Variants in SMAD3 observed in about 807,000 individuals in gnomAD.
SMAD3 encodes SMAD family member 3, also known as MAD homolog 3.
Under a neutral mutation model 51.8 loss-of-function variants are expected in SMAD3, and 12 were observed. The ratio of observed to expected loss-of-function variants is 0.23; its 90% CI spans 0.15 to 0.38. The LOEUF is 0.38. Among genes scored for constraint, SMAD3 ranks in the 10% least tolerant of loss-of-function variants. The pLI, the probability that SMAD3 is intolerant of heterozygous loss-of-function variation, is 1.00. For synonymous variants in SMAD3, 238 were observed against 227.7 expected (o/e 1.05, Z -0.41); for missense variants, 294 against 565.6 (o/e 0.52, Z 4.87).
At chr15:67,088,662 G>A (rs1365731243) in intron 1 of SMAD3, among the ~76,000 whole-genome samples, 1 of 152,180 alleles carries the variant, frequency 6.6e-6, no homozygotes. Flanking sequence ...GGGTGCGGTG[G>A]CTCACGCCTG....
At chr15:67,176,202 G>C (rs553096330) in intron 5 of SMAD3, among the ~76,000 whole-genome samples, 1 of 152,300 alleles carries the variant, frequency 6.6e-6, no homozygotes, top group South Asian at 2.1e-4. Flanking sequence ...CAGGTACACA[G>C]TTTCTGGGAC....
chr15:67,172,951 C>T (rs1367018700), intron 5 of SMAD3, among the ~76,000 whole-genome samples: 1 of 152,204 alleles, frequency 6.6e-6, no homozygotes, highest in Non-Finnish European at 1.5e-5. Context: ...TCCTCACTCC[C>T]TCATTCCCAG....
At chr15:67,113,802 G>A (rs1180528515) in intron 1 of SMAD3, among the ~76,000 whole-genome samples, 1 of 152,204 alleles carries the variant, frequency 6.6e-6, no homozygotes, top group Non-Finnish European at 1.5e-5. Flanking sequence ...ATTTGTGTTA[G>A]TTCTTTCCCT....
chr15:67,180,844 G>C (rs943859206), intron 5 of SMAD3, among the ~76,000 whole-genome samples: 1 of 152,142 alleles, frequency 6.6e-6, no homozygotes, highest in Non-Finnish European at 1.5e-5. Flanking sequence ...GTGAGTACAC[G>C]CAGTGGCTGT....
intron 5 of SMAD3, among the ~76,000 whole-genome samples, chr15:67,179,414 C>T (rs1595954819): frequency 6.6e-6 from 1 of 152,274 alleles, no homozygotes; most frequent in East Asian, 1.9e-4. Flanking sequence ...CAGATCCTCC[C>T]TCCCACCCAT....
At chr15:67,190,389 C>T (rs754503092) in intron 8 of SMAD3, 24 bp from the exon 9 acceptor site, 1 of 1,612,494 alleles carries the variant, frequency 6.2e-7, no homozygotes, top group Admixed American at 1.7e-5. Flanking sequence ...TCCCCCACCC[C>T]ACCCCTTTCC....
At chr15:67,096,598 A>T (rs1595896301) in intron 1 of SMAD3, among the ~76,000 whole-genome samples, 1 of 152,300 alleles carries the variant, frequency 6.6e-6, no homozygotes, top group East Asian at 1.9e-4. Context: ...GAGACTGTGG[A>T]GGAAAGAGAA....
chr15:67,161,699 G>A (rs1329342140), intron 1 of SMAD3, among the ~76,000 whole-genome samples: 1 of 152,174 alleles, frequency 6.6e-6, no homozygotes, highest in African/African-American at 2.4e-5. Context: ...TCCAGGGCTG[G>A]GTTTGGGGAG....
At chr15:67,139,271 CAGATGCCCCGTG>C (rs1287186354) in intron 1 of SMAD3, among the ~76,000 whole-genome samples, 1 of 152,156 alleles carries the variant, frequency 6.6e-6, no homozygotes. Flanking sequence ...AAATAAACCT[CAGATGCCCCGTG>C]ATATCTCGTT....
intron 4 of SMAD3, 101 bp downstream of exon 4, chr15:67,166,954 A>T: frequency 1.1e-6 from 1 of 921,630 alleles, no homozygotes. Flanking sequence ...CCTCCCTTCT[A>T]TCTCTCTCTC....
chr15:67,164,777 C>T (rs1245869078), intron 1 of SMAD3, 118 bp from the exon 2 acceptor site: 5 of 1,071,498 alleles, frequency 4.7e-6, no homozygotes, highest in Non-Finnish European at 7.2e-6. Flanking sequence ...ACCTCTGGAT[C>T]TGGGAGAAAT....
intron 1 of SMAD3, among the ~76,000 whole-genome samples, chr15:67,079,275 G>A (rs1473721276): frequency 6.6e-6 from 1 of 151,924 alleles, no homozygotes; most frequent in Non-Finnish European, 1.5e-5. Context: ...ACCGCACCTC[G>A]CCCCCCGCAT....
In SMAD3 at chr15:67,192,060, C is replaced by T. The variant is rs975050197; in HGVS notation, c.*1524C>T. 28 of 231,960 alleles carry T rather than the reference C, an allele frequency of 1.2e-4. No homozygotes were observed. The highest frequency in any genetic ancestry group is 3.3e-4 in the African/African-American group (15 of 45,232). 14.4% of individuals were successfully genotyped at this position (231,960 alleles called of 1,614,324 possible). A position where few individuals can be genotyped will look rare whatever the true frequency, so the allele number is the denominator to read the frequency against. On this transcript the variant is annotated 3_prime_UTR_variant, in exon 9 of 9. Coordinates refer to ENST00000327367, the MANE Select transcript of SMAD3 (RefSeq NM_005902.4). ...TTTTTGTATAAAATGACCTATCCCA[C>T]GTTTTTGCATGAATTTATAGCAGGA... is the stretch of plus-strand genomic sequence containing the variant.
chr15:67,163,944 T>TAAAAAAAAAAAAA (rs57803788), intron 1 of SMAD3, among the ~76,000 whole-genome samples: 1 of 87,918 alleles, frequency 1.1e-5, no homozygotes, highest in Non-Finnish European at 2.1e-5. Flanking sequence ...GTATCAAAAG[T>TAAAAAAAAAAAAA]AAAAAAAAAA....
intron 1 of SMAD3, among the ~76,000 whole-genome samples, chr15:67,164,308 C>G (rs1403992879): frequency 9.3e-6 from 1 of 107,652 alleles, no homozygotes; most frequent in Non-Finnish European, 1.8e-5. Flanking sequence ...GAGCGAGACT[C>G]CGTCTCAGAA....
At chr15:67,149,614 C>G (rs1962074973) in intron 1 of SMAD3, among the ~76,000 whole-genome samples, 1 of 151,764 alleles carries the variant, frequency 6.6e-6, no homozygotes, top group Non-Finnish European at 1.5e-5. Context: ...CATAGGGGTT[C>G]TTTGCTGTCT....
intron 3 of SMAD3, 106 bp downstream of exon 3, chr15:67,165,490 C>A: frequency 7.3e-7 from 1 of 1,376,846 alleles, no homozygotes; most frequent in African/African-American, 1.4e-5. Context: ...CCCCCGCTCA[C>A]CCCCTCTTTG....
intron 4 of SMAD3, 150 bp downstream of exon 4, chr15:67,167,003 G>T: frequency 1.4e-6 from 1 of 730,804 alleles, no homozygotes; most frequent in Non-Finnish European, 2.4e-6. Context: ...AAGGGGCAGG[G>T]CATAGAAGAG....
chr15:67,094,472 C>T (rs531141053), intron 1 of SMAD3, among the ~76,000 whole-genome samples: 1 of 152,296 alleles, frequency 6.6e-6, no homozygotes, highest in African/African-American at 2.4e-5. Flanking sequence ...AAAATTGCTA[C>T]CCTGAGGAGA....
Sources: allele counts gnomAD v4.1 joint callset (sites outside exome capture counted in the v4.1 genomes callset), GRCh38; gene constraint gnomAD v4.1.1; transcripts MANE v1.5; gene names NCBI Gene and HGNC (gene_info 2026-07-23, HGNC 2026-07-21).